Variants in ZFHX3 observed in about 807,000 individuals in gnomAD.
ZFHX3 encodes zinc finger homeobox protein 3.
A neutral mutation model predicts 279.1 loss-of-function variants in ZFHX3; 42 were observed. The ratio of observed to expected loss-of-function variants is 0.15; its 90% CI spans 0.12 to 0.19. ZFHX3 has a LOEUF of 0.19. Among genes scored for constraint, ZFHX3 ranks in the 10% least tolerant of loss-of-function variants. The pLI is 1.00. For missense variants in ZFHX3, 4,981 were observed against 4,754.0 expected (o/e 1.05, Z -1.40); for synonymous variants, 2,293 against 1,957.8 (o/e 1.17, Z -4.52).
At chr16:73,805,763 C>T (rs779495686) in intron 1 of ZFHX3, among the ~76,000 whole-genome samples, 4 of 152,100 alleles carry the variant, frequency 2.6e-5, no homozygotes, top group Non-Finnish European at 5.9e-5. Context: ...AAAAGATGCA[C>T]GTATAATATA....
intron 5 of ZFHX3, among the ~76,000 whole-genome samples, chr16:73,160,018 C>A (rs1467845409): frequency 6.6e-6 from 1 of 152,146 alleles, no homozygotes; most frequent in African/African-American, 2.4e-5. Context: ...CTGTCTTGGC[C>A]TCCTAAAGTG....
intron 3 of ZFHX3, among the ~76,000 whole-genome samples, chr16:73,354,428 C>T (rs892219198): frequency 2.6e-5 from 4 of 152,148 alleles, no homozygotes; most frequent in African/African-American, 9.7e-5. Context: ...TTTTAAGTGC[C>T]CGAGTAGAAT....
At chr16:73,077,929 C>T (rs1179436992) in intron 8 of ZFHX3, among the ~76,000 whole-genome samples, 2 of 152,150 alleles carry the variant, frequency 1.3e-5, no homozygotes, top group Admixed American at 6.5e-5. Context: ...CTCAGCCTCC[C>T]GAGGAGCTAG....
chr16:73,595,659 T>G (rs184869213), intron 2 of ZFHX3, among the ~76,000 whole-genome samples: 108 of 152,344 alleles, frequency 7.1e-4, no homozygotes, highest in African/African-American at 2.4e-3. Flanking sequence ...CAAGATTATC[T>G]TGACTGATAC....
At chr16:73,531,484 G>A (rs934863931) in intron 2 of ZFHX3, among the ~76,000 whole-genome samples, 11 of 151,978 alleles carry the variant, frequency 7.2e-5, no homozygotes, top group South Asian at 6.2e-4. Context: ...GGAGGATGAG[G>A]TGGGGGGACT....
chr16:73,086,471 A>G (rs942598183), intron 8 of ZFHX3, among the ~76,000 whole-genome samples: 7 of 152,254 alleles, frequency 4.6e-5, no homozygotes, highest in East Asian at 3.8e-4. Flanking sequence ...GTGTCCATCA[A>G]TGGATGAATG....
At chr16:73,382,259 A>G (rs1338300131) in intron 3 of ZFHX3, among the ~76,000 whole-genome samples, 3 of 152,226 alleles carry the variant, frequency 2.0e-5, no homozygotes, top group African/African-American at 7.2e-5. Flanking sequence ...CCATAAAAGA[A>G]AAGCTGGACC....
At chr16:73,618,190 A>C (rs12103146) in intron 2 of ZFHX3, among the ~76,000 whole-genome samples, 9,590 of 152,146 alleles carry the variant, frequency 0.063, 1,007 homozygotes, top group African/African-American at 0.22. Flanking sequence ...AGTTCCTCAT[A>C]TTTGAGTTAT....
intron 5 of ZFHX3, among the ~76,000 whole-genome samples, chr16:73,211,278 A>T (rs771311179): frequency 6.6e-6 from 1 of 152,210 alleles, no homozygotes; most frequent in African/African-American, 2.4e-5. Context: ...AAGCTTGAGC[A>T]AAGTGTGGAA....
At chr16:73,242,061 G>C (rs1273543951) in intron 5 of ZFHX3, among the ~76,000 whole-genome samples, 1 of 152,130 alleles carries the variant, frequency 6.6e-6, no homozygotes. Flanking sequence ...GGTAATCATT[G>C]CTTTTGCTAG....
At chr16:73,756,216 CTCTT>C (rs796391143) in intron 1 of ZFHX3, among the ~76,000 whole-genome samples, 3 of 152,332 alleles carry the variant, frequency 2.0e-5, no homozygotes, top group African/African-American at 4.8e-5. Flanking sequence ...GTCTCACTCT[CTCTT>C]TCTCTTTCCC....
At chr16:73,034,209 C>T (rs962632129) in intron 1 of ZFHX3, among the ~76,000 whole-genome samples, 1 of 152,118 alleles carries the variant, frequency 6.6e-6, no homozygotes, top group Non-Finnish European at 1.5e-5. Flanking sequence ...CCCTCCATTT[C>T]TCCTCCTCCA....
intron 1 of ZFHX3, among the ~76,000 whole-genome samples, chr16:73,729,598 T>G: frequency 6.6e-6 from 1 of 151,600 alleles, no homozygotes; most frequent in East Asian, 1.9e-4. Flanking sequence ...GATAAATGAC[T>G]TACATCAAAT....
intron 1 of ZFHX3, among the ~76,000 whole-genome samples, chr16:73,833,882 A>T (rs1961067157): frequency 1.3e-5 from 2 of 151,114 alleles, no homozygotes; most frequent in African/African-American, 2.4e-5. Context: ...GATTTTATGC[A>T]TATATGTATA....
chr16:73,646,574 AGAAAG>A (rs984348162), intron 2 of ZFHX3, among the ~76,000 whole-genome samples: 4 of 152,178 alleles, frequency 2.6e-5, no homozygotes, highest in Admixed American at 2.6e-4. Context: ...CTCCTAAAAA[AGAAAG>A]GAAAGACAAT....
chr16:73,514,562 T>A (rs2019488279), intron 2 of ZFHX3, among the ~76,000 whole-genome samples: 1 of 152,228 alleles, frequency 6.6e-6, no homozygotes, highest in South Asian at 2.1e-4. Flanking sequence ...ATACTGATAT[T>A]AGTTACTATT....
chr16:73,127,235 A>T, intron 7 of ZFHX3: 3 of 824,804 alleles, frequency 3.6e-6, no homozygotes, highest in Non-Finnish European at 5.1e-6. Context: ...CACAGCGGTT[A>T]GTATCGATCA....
chr16:73,550,861 A>G (rs2020192899), intron 2 of ZFHX3, among the ~76,000 whole-genome samples: 1 of 152,196 alleles, frequency 6.6e-6, no homozygotes, highest in South Asian at 2.1e-4. Flanking sequence ...ATTTTGTATT[A>G]CCAAACATCA....
intron 1 of ZFHX3, among the ~76,000 whole-genome samples, chr16:73,760,496 G>T (rs1021710824): frequency 1.3e-5 from 2 of 151,906 alleles, no homozygotes; most frequent in Admixed American, 1.3e-4. Flanking sequence ...ACCAAAACCT[G>T]GCAGCATCAT....
Sources: allele counts gnomAD v4.1 joint callset (sites outside exome capture counted in the v4.1 genomes callset), GRCh38; gene constraint gnomAD v4.1.1; transcripts MANE v1.5; gene names NCBI Gene and HGNC (gene_info 2026-07-23, HGNC 2026-07-21).